ARAP2: variants seen among roughly 807,000 people sequenced by gnomAD.
ARAP2 encodes the protein ArfGAP with RhoGAP domain, ankyrin repeat and PH domain 2.
ARAP2 carries 148 observed loss-of-function variants against 194.5 expected under a neutral mutation model. That is an observed-to-expected ratio of 0.76 (90% CI 0.67 to 0.87). ARAP2 has a LOEUF of 0.87. ARAP2 is among the 40% of genes least tolerant of loss of function. The pLI, the probability that ARAP2 is intolerant of heterozygous loss-of-function variation, is 0.00. For synonymous variants in ARAP2, 695 were observed against 683.5 expected (o/e 1.02, Z -0.26); for missense variants, 2,128 against 1,989.7 (o/e 1.07, Z -1.32).
chr4:36,191,965 C>T (rs770114439), intron 7 of ARAP2, among the ~76,000 whole-genome samples: 5 of 152,066 alleles, frequency 3.3e-5, no homozygotes, highest in Non-Finnish European at 7.4e-5. Context: ...TAACTGTGCA[C>T]GCTACCTCCC....
At chr4:36,125,118 A>G (rs1723579192) in intron 21 of ARAP2, 151 bp from the exon 22 acceptor site, 1 of 535,074 alleles carries the variant, frequency 1.9e-6, no homozygotes, top group Admixed American at 3.4e-5. Flanking sequence ...AAAGTTCTAA[A>G]GTAATTGCCT....
chr4:36,015,186 T>C (rs1449704866), intron 8 of ARAP2, among the ~76,000 whole-genome samples: 1 of 152,234 alleles, frequency 6.6e-6, no homozygotes, highest in Non-Finnish European at 1.5e-5. Flanking sequence ...ATTCTATTGA[T>C]TTATATCTGA....
At chr4:36,009,909 G>A (rs12650842) in intron 9 of ARAP2, among the ~76,000 whole-genome samples, 27,330 of 146,016 alleles carry the variant, frequency 0.19, 2,830 homozygotes, top group Middle Eastern at 0.22. Flanking sequence ...GGAATCATCA[G>A]TGGAAAATTT....
chr4:36,086,583 A>G (rs1045270406), intron 28 of ARAP2, among the ~76,000 whole-genome samples: 5 of 152,116 alleles, frequency 3.3e-5, no homozygotes, highest in African/African-American at 1.2e-4. Flanking sequence ...GCTTATTACA[A>G]CTTTCTCTTT....
At chr4:36,199,659 ACT>A (rs758941766) in intron 6 of ARAP2, among the ~76,000 whole-genome samples, 16 of 152,028 alleles carry the variant, frequency 1.1e-4, no homozygotes, top group Non-Finnish European at 1.9e-4. Flanking sequence ...TCACCATTCT[ACT>A]CTGTTTCTAT....
intron 32 of ARAP2, among the ~76,000 whole-genome samples, chr4:36,068,584 C>T (rs867963200): frequency 1.3e-5 from 2 of 152,086 alleles, no homozygotes; most frequent in African/African-American, 2.4e-5. Context: ...ATCTTTTCCC[C>T]GGTTAGTGAT....
intron 16 of ARAP2, among the ~76,000 whole-genome samples, chr4:36,149,144 A>T (rs6814214): frequency 0.01 from 1,572 of 152,194 alleles, 33 homozygotes; most frequent in African/African-American, 0.036. Context: ...TTACCTAAAA[A>T]TCTCAAAATA....
intron 16 of ARAP2, among the ~76,000 whole-genome samples, chr4:36,150,535 G>A (rs1199182674): frequency 2.0e-5 from 3 of 151,774 alleles, no homozygotes; most frequent in Admixed American, 6.6e-5. Flanking sequence ...CCAGTTACTC[G>A]GGAGGCTGAG....
At chr4:36,108,222 T>C (rs1176041108) in intron 26 of ARAP2, among the ~76,000 whole-genome samples, 1 of 151,940 alleles carries the variant, frequency 6.6e-6, no homozygotes, top group East Asian at 1.9e-4. Flanking sequence ...GTAGATAACA[T>C]ACTGGTTTGT....
At chr4:36,146,674 T>C (rs1729696609) in intron 19 of ARAP2, among the ~76,000 whole-genome samples, 1 of 152,116 alleles carries the variant, frequency 6.6e-6, no homozygotes, top group Non-Finnish European at 1.5e-5. Context: ...ACGGATACTA[T>C]CCCATCAGAC....
At chr4:36,009,569 G>A (rs1714010477) in intron 9 of ARAP2, among the ~76,000 whole-genome samples, 2 of 152,044 alleles carry the variant, frequency 1.3e-5, no homozygotes, top group African/African-American at 4.8e-5. Context: ...CTACCTGGGT[G>A]ACAGATTCAC....
intron 25 of ARAP2, among the ~76,000 whole-genome samples, chr4:36,115,964 A>T (rs1721224148): frequency 6.6e-6 from 1 of 151,978 alleles, no homozygotes; most frequent in African/African-American, 2.4e-5. Context: ...ATGCGCTATT[A>T]AAGAGCCTTT....
chr4:36,178,054 TA>T lies in ARAP2; in HGVS notation c.1679-50del, dbSNP rs764839041. 2.0e-6 allele frequency: 3 copies of T among 1,495,538 alleles called. No individual in the cohort carries two copies. In the Admixed American group the frequency reaches 6.7e-5, roughly 33 times the overall value. The allele number at this position is 1,495,538 out of a possible 1,614,324, so 92.6% of individuals were successfully genotyped here. On this transcript the variant is annotated intron_variant, in intron 8 of 32. Transcript: ENST00000303965. The stretch of plus-strand genomic sequence containing the variant: ...TACATAAATCCACATATAAGTTACA[TA>T]GACACAGAAACGTCAAGAAGAAATC...
intron 27 of ARAP2, among the ~76,000 whole-genome samples, chr4:36,094,285 C>T (rs1714582291): frequency 6.6e-6 from 1 of 152,112 alleles, no homozygotes; most frequent in South Asian, 2.1e-4. Context: ...TGGAATGCAG[C>T]CTCACATTAT....
Position 36,160,606 on chromosome 4 carries a change from G to C in ARAP2, c.2295C>G (p.Asp765Glu), listed in dbSNP as rs956702282. 3 of 1,490,462 alleles carry C rather than the reference G, an allele frequency of 2.0e-6. No homozygotes were observed. The highest frequency in any genetic ancestry group is 2.7e-6 in the Non-Finnish European group (3 of 1,130,406). 92.3% of individuals were successfully genotyped at this position (1,490,462 alleles called of 1,614,324 possible). A position where few individuals can be genotyped will look rare whatever the true frequency, so the allele number is the denominator to read the frequency against. ...FIVIGNKRAN[D>E]FWAGNLQKDE... ...CCTTTTGAAGATTACCAGCCCAAAAGTCATTTGCTCTTTTGTTTCCAATGA... is the reference window on the plus strand; with the variant it reads ...CCTTTTGAAGATTACCAGCCCAAAACTCATTTGCTCTTTTGTTTCCAATGA... Residue 765 changes from aspartate (D) to glutamate (E), a missense_variant, in exon 13 of 33, where the codon GAC becomes GAG. Physicochemically the swap from Asp to Glu is conservative, Grantham distance 45. Transcript: ENST00000303965.
At chr4:36,042,993 C>G (rs1234438023) in intron 5 of ARAP2, among the ~76,000 whole-genome samples, 1 of 152,144 alleles carries the variant, frequency 6.6e-6, no homozygotes, top group Non-Finnish European at 1.5e-5. Context: ...CAGGTGCCCA[C>G]TACCATGCCT....
chr4:36,074,247 T>A (rs1229666971), intron 31 of ARAP2, among the ~76,000 whole-genome samples: 1 of 152,142 alleles, frequency 6.6e-6, no homozygotes, highest in African/African-American at 2.4e-5. Flanking sequence ...ACCTAAGGCA[T>A]GACTATCAGA....
At chr4:36,010,586 C>A (rs1053429611) in intron 9 of ARAP2, among the ~76,000 whole-genome samples, 21 of 152,122 alleles carry the variant, frequency 1.4e-4, no homozygotes, top group Non-Finnish European at 2.6e-4. Context: ...TCAAAGACAA[C>A]AATTCTCTCA....
In ARAP2 at chr4:36,117,146, G is replaced by A. The variant is rs764574363; in HGVS notation, c.3964-11C>T. The stretch of plus-strand genomic sequence containing the variant: ...TCCAGCCTGGGAAACCTAGAAAAGG[G>A]CAGAGGTAGAAACAACACAGATAAA... On this transcript the variant is annotated splice_polypyrimidine_tract_variant and intron_variant, in intron 24 of 32. Coordinates refer to ENST00000303965, the MANE Select transcript of ARAP2 (RefSeq NM_015230.4). The A allele has an allele frequency of 1.9e-6, 3 of 1,580,832 alleles. No homozygotes were observed. In the Admixed American group the frequency reaches 5.4e-5, roughly 29 times the overall value.
Sources: allele counts gnomAD v4.1 joint callset (sites outside exome capture counted in the v4.1 genomes callset), GRCh38; gene constraint gnomAD v4.1.1; transcripts MANE v1.5; gene names NCBI Gene and HGNC (gene_info 2026-07-23, HGNC 2026-07-21).